CYRIA: variants seen among roughly 807,000 people sequenced by gnomAD.
The protein encoded by CYRIA is CYFIP-related Rac1 interactor A.
CYRIA carries 15 observed loss-of-function variants against 43.9 expected under a neutral mutation model. The ratio of observed to expected loss-of-function variants is 0.34; its 90% confidence interval spans 0.23 to 0.53. CYRIA has a LOEUF of 0.53. Ranked by LOEUF, CYRIA falls within the 20% of genes least tolerant of loss-of-function variation. The pLI is 0.94. For synonymous variants in CYRIA, 117 were observed against 136.0 expected, an observed-to-expected ratio of 0.86 and a Z score of 0.97; for missense variants, 236 against 394.2, an observed-to-expected ratio of 0.60 and a Z score of 3.40.
rs1666315132 is a variant in CYRIA at position 16,551,632 on chromosome 2, G to T, written c.*1304C>A. On this transcript the variant is annotated 3_prime_UTR_variant, in exon 12 of 12. Transcript: ENST00000381323. Reference sequence around the variant, plus strand: ...GCTCTGATGTACAGAGAGAATGACTGCAGGCTTCATAATATTGTTCATCAA... The same window carrying T: ...GCTCTGATGTACAGAGAGAATGACTTCAGGCTTCATAATATTGTTCATCAA... 1 of 152,112 alleles carries T rather than the reference G, an allele frequency of 6.6e-6. No individual in the cohort carries two copies. Among genetic ancestry groups the T allele is most frequent in the Admixed American group, 6.5e-5 (1 of 15,268 alleles). The allele number at this position is 152,112 out of a possible 1,614,324, so 9.4% of individuals were successfully genotyped here. A position where few individuals can be genotyped will look rare whatever the true frequency, so the allele number is the denominator to read the frequency against.
chr2:16,571,969 T>C (rs929747954), intron 3 of CYRIA, among the ~76,000 whole-genome samples: 1 of 152,188 alleles, frequency 6.6e-6, no homozygotes, highest in African/African-American at 2.4e-5. Flanking sequence ...AGGGCCGGCA[T>C]ATTTACTCTT....
At position 16,549,852 on chromosome 2, in the gene CYRIA, T is replaced by C. The variant is rs1030480183; in HGVS notation, c.*3084A>G. 4 of 152,220 alleles carry C rather than the reference T, an allele frequency of 2.6e-5. No homozygotes were observed. In the East Asian group the frequency reaches 7.7e-4, roughly 29 times the overall value. 9.4% of individuals were successfully genotyped at this position (152,220 alleles called of 1,614,324 possible). On this transcript the variant is annotated 3_prime_UTR_variant, in exon 12 of 12. Transcript: ENST00000381323. Reference sequence around the variant, plus strand: ...CAGTAACCTCAGTTTACCATTAAGGTCTTAATTTAATGGTGATAACTAGGA... The same window carrying C: ...CAGTAACCTCAGTTTACCATTAAGGCCTTAATTTAATGGTGATAACTAGGA...
At chr2:16,593,783 A>T (rs1668018288) in intron 2 of CYRIA, among the ~76,000 whole-genome samples, 3 of 125,564 alleles carry the variant, frequency 2.4e-5, no homozygotes, top group Non-Finnish European at 3.2e-5. Context: ...TGTGCAGGTT[A>T]GTTACATATG....
chr2:16,637,334 T>C (rs1478716061), intron 1 of CYRIA, among the ~76,000 whole-genome samples: 5 of 152,178 alleles, frequency 3.3e-5, no homozygotes, highest in Non-Finnish European at 7.3e-5. Context: ...TGAGGGAAGA[T>C]TCTTTGGGAA....
intron 1 of CYRIA, among the ~76,000 whole-genome samples, chr2:16,628,036 C>T (rs1470335173): frequency 1.3e-5 from 2 of 152,202 alleles, no homozygotes; most frequent in Non-Finnish European, 2.9e-5. Flanking sequence ...GCCCGGGACA[C>T]CAGGCTTCGG....
chr2:16,649,454 T>C (rs962133681), intron 1 of CYRIA, among the ~76,000 whole-genome samples: 1 of 151,984 alleles, frequency 6.6e-6, no homozygotes, highest in East Asian at 1.9e-4. Flanking sequence ...AGTTGTACAG[T>C]ACAGGGCATG....
chr2:16,574,338 A>G (rs1269993798), intron 3 of CYRIA, among the ~76,000 whole-genome samples: 1 of 152,222 alleles, frequency 6.6e-6, no homozygotes, highest in Non-Finnish European at 1.5e-5. Flanking sequence ...AAAACAGAGC[A>G]TAAAAGTTTG....
intron 2 of CYRIA, among the ~76,000 whole-genome samples, chr2:16,591,617 G>A (rs957464403): frequency 1.3e-5 from 2 of 152,016 alleles, no homozygotes; most frequent in African/African-American, 4.8e-5. Context: ...CTGAAGGGCT[G>A]GGAACTCCGG....
intron 2 of CYRIA, among the ~76,000 whole-genome samples, chr2:16,590,351 T>C (rs1367828818): frequency 6.6e-6 from 1 of 152,126 alleles, no homozygotes; most frequent in Non-Finnish European, 1.5e-5. Flanking sequence ...CAATTTCAGA[T>C]TAGGTCTGGA....
At chr2:16,607,762 A>G (rs1014580490) in intron 2 of CYRIA, among the ~76,000 whole-genome samples, 1 of 151,752 alleles carries the variant, frequency 6.6e-6, no homozygotes, top group African/African-American at 2.4e-5. Flanking sequence ...ACACCTGGCT[A>G]ATTTTCGTAT....
intron 3 of CYRIA, among the ~76,000 whole-genome samples, chr2:16,580,618 T>A (rs1667519664): frequency 6.6e-6 from 1 of 152,180 alleles, no homozygotes. Flanking sequence ...CCAGTAGAAT[T>A]TTTTATTGTA....
intron 10 of CYRIA, among the ~76,000 whole-genome samples, chr2:16,558,366 A>G (rs886322721): frequency 6.6e-6 from 1 of 152,168 alleles, no homozygotes; most frequent in Non-Finnish European, 1.5e-5. Context: ...ATTATCTTGC[A>G]TTCTTCAGAC....
At chr2:16,583,867 T>C (rs189875503) in intron 3 of CYRIA, among the ~76,000 whole-genome samples, 2 of 152,180 alleles carry the variant, frequency 1.3e-5, no homozygotes, top group Non-Finnish European at 2.9e-5. Context: ...GAATGCACTG[T>C]AAAGGTCAGA....
intron 1 of CYRIA, among the ~76,000 whole-genome samples, chr2:16,658,488 T>C (rs932225390): frequency 9.8e-5 from 15 of 152,328 alleles, no homozygotes; most frequent in African/African-American, 3.4e-4. Context: ...TTAGCAAGCT[T>C]AAGGAATTTG....
rs1572190713 is a variant in CYRIA, at chr2:16,631,971, A to G, written c.-166-7952T>C. Among the ~76,000 whole-genome samples, 4 of 152,318 alleles carry G rather than the reference A, an allele frequency of 2.6e-5. No individual in the cohort carries two copies. The South Asian group carries it at 8.3e-4, about 32-fold the overall frequency. ...GTACCCAAAGGCCACATGGTGTCACATGGCGAACACCCCCTGAGTCCCACA... is the reference window on the plus strand; with the variant it reads ...GTACCCAAAGGCCACATGGTGTCACGTGGCGAACACCCCCTGAGTCCCACA... On this transcript the variant is annotated intron_variant, in intron 1 of 11. Transcript: ENST00000381323.
chr2:16,608,588 G>C (rs1427773860), intron 2 of CYRIA, among the ~76,000 whole-genome samples: 2 of 152,214 alleles, frequency 1.3e-5, no homozygotes, highest in African/African-American at 4.8e-5. Context: ...CGTTGGGAGA[G>C]TCATTGGACT....
intron 1 of CYRIA, among the ~76,000 whole-genome samples, chr2:16,663,558 A>G (rs1393126014): frequency 6.7e-6 from 1 of 149,942 alleles, no homozygotes; most frequent in Non-Finnish European, 1.5e-5. Context: ...GGAGCTATGA[A>G]CTCCTTGCCC....
chr2:16,552,476 T>G lies in CYRIA; in HGVS notation c.*460A>C, dbSNP rs1666351186. ...TGAATTCGAAACACTTGGGTTTAAT[T>G]CTCCACATGCATTTTTCTTGGATTC... On this transcript the variant is annotated 3_prime_UTR_variant, in exon 12 of 12. Coordinates refer to ENST00000381323, the MANE Select transcript of CYRIA (RefSeq NM_030797.4). 6.5e-6 allele frequency: 1 copy of G among 154,294 alleles called. No homozygotes were observed. Among genetic ancestry groups the G allele is most frequent in the South Asian group, 2.0e-4 (1 of 5,002 alleles). 9.6% of individuals were successfully genotyped at this position (154,294 alleles called of 1,614,324 possible). A position where few individuals can be genotyped will look rare whatever the true frequency, so the allele number is the denominator to read the frequency against.
chr2:16,563,713 T>A (rs1229939801), intron 5 of CYRIA, among the ~76,000 whole-genome samples: 1 of 152,148 alleles, frequency 6.6e-6, no homozygotes, highest in Admixed American at 6.5e-5. Flanking sequence ...CAGCCCACAG[T>A]AAAACTATTA....
Sources: gnomAD v4.1 joint callset for allele counts (sites outside exome capture counted in the v4.1 genomes callset) on GRCh38, gnomAD v4.1.1 for gene constraint, MANE v1.5 for transcripts, NCBI Gene and HGNC (gene_info 2026-07-23, HGNC 2026-07-21) for gene names.